The following INPP4B variants were observed in gnomAD, a reference collection of about 807,000 sequenced individuals.
The protein encoded by INPP4B is inositol polyphosphate 4-phosphatase type II.
In INPP4B, 55 loss-of-function variants were observed where a neutral mutation model predicts 122.5. That is an observed-to-expected ratio of 0.45 (90% confidence interval 0.36 to 0.56). INPP4B has a LOEUF of 0.56. Ranked by LOEUF, INPP4B falls within the 20% of genes least tolerant of loss-of-function variation. The pLI, the probability that INPP4B is intolerant of heterozygous loss-of-function variation, is 0.00. For missense variants in INPP4B, 1,000 were observed against 1,097.7 expected, an observed-to-expected ratio of 0.91 and a Z score of 1.26; for synonymous variants, 403 against 388.7, an observed-to-expected ratio of 1.04 and a Z score of -0.43.
At chr4:142,812,562 A>C (rs575104203) in intron 1 of INPP4B, among the ~76,000 whole-genome samples, 1 of 152,184 alleles carries the variant, frequency 6.6e-6, no homozygotes, top group African/African-American at 2.4e-5. Context: ...GGACATAAGC[A>C]CGTGCTATTC....
intron 2 of INPP4B, among the ~76,000 whole-genome samples, chr4:142,690,443 C>T (rs1012082483): frequency 6.6e-6 from 1 of 150,766 alleles, no homozygotes. Flanking sequence ...CTTCCAATTT[C>T]CCACCCTCTT....
intron 7 of INPP4B, among the ~76,000 whole-genome samples, chr4:142,331,929 G>A (rs79124587): frequency 0.018 from 2,664 of 151,282 alleles, 76 homozygotes; most frequent in African/African-American, 0.057. Flanking sequence ...GGGTGGAGGG[G>A]GAAAACCTAA....
At chr4:142,685,770 A>C (rs1580705424) in intron 2 of INPP4B, among the ~76,000 whole-genome samples, 1 of 152,088 alleles carries the variant, frequency 6.6e-6, no homozygotes, top group Admixed American at 6.6e-5. Flanking sequence ...AAAAAAAATT[A>C]TTATTAAATA....
intron 1 of INPP4B, among the ~76,000 whole-genome samples, chr4:142,829,854 G>C (rs1353218301): frequency 6.6e-6 from 1 of 152,014 alleles, no homozygotes; most frequent in Non-Finnish European, 1.5e-5. Context: ...ACTAACATGA[G>C]AATTTAGTAA....
At chr4:142,822,625 G>A (rs938193294) in intron 1 of INPP4B, among the ~76,000 whole-genome samples, 7 of 152,054 alleles carry the variant, frequency 4.6e-5, no homozygotes, top group South Asian at 2.1e-4. Context: ...ACACCACCCC[G>A]ACTCCATCCG....
At chr4:142,567,371 C>T (rs1253284421) in intron 2 of INPP4B, among the ~76,000 whole-genome samples, 4 of 152,080 alleles carry the variant, frequency 2.6e-5, no homozygotes, top group Non-Finnish European at 5.9e-5. Context: ...GGGCAGATGT[C>T]GCTGATCACT....
At chr4:142,125,354 A>G (rs1798208994) in intron 18 of INPP4B, among the ~76,000 whole-genome samples, 2 of 147,854 alleles carry the variant, frequency 1.4e-5, no homozygotes, top group South Asian at 4.2e-4. Context: ...ACTTCTTAAA[A>G]TATTTTGAAA....
At chr4:142,416,772 G>A (rs2149281262) in intron 5 of INPP4B, among the ~76,000 whole-genome samples, 1 of 152,260 alleles carries the variant, frequency 6.6e-6, no homozygotes, top group Non-Finnish European at 1.5e-5. Flanking sequence ...GTAGGCAAAA[G>A]ACAATCTCAA....
chr4:142,293,589 C>T (rs989085850), intron 9 of INPP4B, among the ~76,000 whole-genome samples: 4 of 152,132 alleles, frequency 2.6e-5, no homozygotes, highest in South Asian at 2.1e-4. Context: ...GAGTTTTCTA[C>T]GTTTCCCTAT....
chr4:142,658,814 T>C (rs1716938600), intron 2 of INPP4B, among the ~76,000 whole-genome samples: 1 of 152,176 alleles, frequency 6.6e-6, no homozygotes, highest in Non-Finnish European at 1.5e-5. Flanking sequence ...TCCTGACCTG[T>C]GGTCAGTAAA....
At chr4:142,294,855 A>AAAAAAAAAAAAAAAAAG (rs1554029824) in intron 9 of INPP4B, among the ~76,000 whole-genome samples, 1 of 146,434 alleles carries the variant, frequency 6.8e-6, no homozygotes, top group African/African-American at 2.5e-5. Context: ...AAAAAAAAAA[A>AAAAAAAAAAAAAAAAAG]AGGCAGACTT....
chr4:142,109,138 TC>T (rs1788718287), intron 22 of INPP4B, among the ~76,000 whole-genome samples: 2 of 103,640 alleles, frequency 1.9e-5, no homozygotes, highest in African/African-American at 2.6e-5. Context: ...TGGTAACCCT[TC>T]CTTTTTTTTT....
At chr4:142,245,301 C>T (rs1213477309) in intron 11 of INPP4B, among the ~76,000 whole-genome samples, 8 of 152,144 alleles carry the variant, frequency 5.3e-5, no homozygotes, top group Admixed American at 5.2e-4. Flanking sequence ...TGCCTATGTC[C>T]TGAATGGTAT....
chr4:142,643,748 T>C (rs970855372), intron 2 of INPP4B, among the ~76,000 whole-genome samples: 1 of 152,184 alleles, frequency 6.6e-6, no homozygotes, highest in Non-Finnish European at 1.5e-5. Flanking sequence ...GGGCAGAGGT[T>C]TAAGTGAGGA....
chr4:142,282,610 T>C (rs74611396), intron 9 of INPP4B, among the ~76,000 whole-genome samples: 14,471 of 152,164 alleles, frequency 0.095, 767 homozygotes, highest in Middle Eastern at 0.15. Flanking sequence ...GCTTTAAGAC[T>C]GAGGTTCGCA....
chr4:142,565,472 G>C (rs1159439452), intron 2 of INPP4B, among the ~76,000 whole-genome samples: 1 of 152,138 alleles, frequency 6.6e-6, no homozygotes, highest in Non-Finnish European at 1.5e-5. Flanking sequence ...AAATAAGTGA[G>C]TGAACAAATG....
chr4:142,230,080 C>G (rs935958339), intron 12 of INPP4B, among the ~76,000 whole-genome samples: 2 of 152,140 alleles, frequency 1.3e-5, no homozygotes, highest in African/African-American at 4.8e-5. Flanking sequence ...TTCTGTGAAA[C>G]AAATTACTAC....
chr4:142,374,183 G>A (rs562700060), intron 7 of INPP4B, among the ~76,000 whole-genome samples: 1 of 151,948 alleles, frequency 6.6e-6, no homozygotes, highest in South Asian at 2.1e-4. Context: ...CCATTTTATT[G>A]ATAAGTAAAG....
intron 2 of INPP4B, among the ~76,000 whole-genome samples, chr4:142,503,298 G>C (rs995447969): frequency 4.6e-5 from 7 of 152,106 alleles, no homozygotes; most frequent in African/African-American, 7.2e-5. Context: ...ACAGTAAAAA[G>C]TAAGAGTTAA....
Sources: allele counts gnomAD v4.1 joint callset (sites outside exome capture counted in the v4.1 genomes callset), GRCh38; gene constraint gnomAD v4.1.1; transcripts MANE v1.5; gene names NCBI Gene and HGNC (gene_info 2026-07-23, HGNC 2026-07-21).